BAZ1B: variants seen among roughly 807,000 people sequenced by gnomAD.
The protein encoded by BAZ1B is tyrosine-protein kinase BAZ1B.
BAZ1B carries 22 observed loss-of-function variants against 153.8 expected under a neutral mutation model. The observed-to-expected ratio is 0.14, with a 90% CI of 0.10 to 0.20. The LOEUF (loss-of-function observed/expected upper bound fraction) is 0.20, where lower values mean the gene tolerates loss of function less well. Ranked by LOEUF, BAZ1B falls within the 10% of genes least tolerant of loss-of-function variation. BAZ1B has a pLI of 1.00. For synonymous variants in BAZ1B, 676 were observed against 633.4 expected, an observed-to-expected ratio of 1.07 and a Z score of -1.01; for missense variants, 1,325 against 1,799.3, an observed-to-expected ratio of 0.74 and a Z score of 4.77.
intron 7 of BAZ1B, among the ~76,000 whole-genome samples, chr7:73,472,120 C>G (rs2116320231): frequency 6.6e-6 from 1 of 152,312 alleles, no homozygotes; most frequent in East Asian, 1.9e-4. Context: ...GTATCATCTT[C>G]TTTTCCTTCT....
intron 13 of BAZ1B, among the ~76,000 whole-genome samples, chr7:73,454,762 T>C (rs1788132818): frequency 6.6e-6 from 1 of 152,214 alleles, no homozygotes; most frequent in African/African-American, 2.4e-5. Flanking sequence ...ACAGTGAGCC[T>C]GAGTACTGCT....
chr7:73,489,864 A>G (rs1360528587), intron 5 of BAZ1B, among the ~76,000 whole-genome samples: 2 of 152,254 alleles, frequency 1.3e-5, no homozygotes, highest in Non-Finnish European at 1.5e-5. Context: ...CAATATGTCA[A>G]TATGTATCAA....
intron 3 of BAZ1B, among the ~76,000 whole-genome samples, chr7:73,507,572 A>C (rs1790394390): frequency 6.6e-6 from 1 of 152,218 alleles, no homozygotes; most frequent in Non-Finnish European, 1.5e-5. Context: ...AAAAGAAAAG[A>C]AAAATCAAAA....
At chr7:73,453,258 G>A (rs2116249522) in intron 13 of BAZ1B, among the ~76,000 whole-genome samples, 1 of 152,352 alleles carries the variant, frequency 6.6e-6, no homozygotes, top group Admixed American at 6.5e-5. Flanking sequence ...TACTTAGTAG[G>A]CAACCTAGTT....
chr7:73,478,465 T>G lies in BAZ1B; in HGVS notation c.996A>C (p.Leu332=), dbSNP rs1554573211. 6.2e-7 allele frequency: 1 copy of G among 1,611,922 alleles called. No individual in the cohort carries two copies. The highest frequency in any genetic ancestry group is 1.7e-5 in the Admixed American group (1 of 59,536). Residue 332 remains leucine (L), a synonymous_variant, in exon 7 of 20, where the codon CTA becomes CTC. Coordinates refer to ENST00000339594, the MANE Select transcript of BAZ1B (RefSeq NM_032408.4). ...GTACGTGACACCATAACTTAGGATT[T>G]AGTGGTGAACTAAGAGAAGAGTTGT... ...KTDNSSLSSP[L]NPKLWCHVHL...
At chr7:73,510,476 A>G (rs1479590369) in intron 2 of BAZ1B, among the ~76,000 whole-genome samples, 1 of 152,198 alleles carries the variant, frequency 6.6e-6, no homozygotes, top group East Asian at 1.9e-4. Flanking sequence ...GAGTACTTAC[A>G]AGGTCAAAGT....
chr7:73,468,903 G>A (rs1788692968), intron 9 of BAZ1B, among the ~76,000 whole-genome samples: 1 of 152,136 alleles, frequency 6.6e-6, no homozygotes, highest in African/African-American at 2.4e-5. Flanking sequence ...GCCGAGGTGG[G>A]CAGATCACCT....
rs1488467294 is a variant in BAZ1B at position 73,478,406 on chromosome 7, T to C, written c.1055A>G (p.Lys352Arg). 2 of 1,612,308 alleles carry C rather than the reference T, an allele frequency of 1.2e-6. No individual in the cohort carries two copies. The stretch of plus-strand genomic sequence containing the variant: ...TTTGGAATTCTTTGAGTTCTTCACT[T>C]TGAGTGGCGAGCCACTCAATGACTT... The part of the protein sequence containing the change: ...LKKSLSGSPL[K>R]VKNSKNSKSP... Residue 352 changes from lysine (K) to arginine (R), a missense_variant, in exon 7 of 20, where the codon AAA (lysine) becomes AGA (arginine). Physicochemically the swap from Lys to Arg is conservative, Grantham distance 26. This residue lies in a region of BAZ1B where 219 missense variants were observed against 248.2 expected (regional missense o/e 0.88). Coordinates refer to ENST00000339594, the MANE Select transcript of BAZ1B (RefSeq NM_032408.4).
chr7:73,519,983 G>A (rs1554579868), intron 1 of BAZ1B, among the ~76,000 whole-genome samples: 1 of 152,098 alleles, frequency 6.6e-6, no homozygotes, highest in African/African-American at 2.4e-5. Context: ...CGAGATGGGC[G>A]GATCACCTGA....
chr7:73,468,547 T>C (rs1788679582), intron 9 of BAZ1B, among the ~76,000 whole-genome samples: 1 of 152,188 alleles, frequency 6.6e-6, no homozygotes, highest in Non-Finnish European at 1.5e-5. Context: ...ACTCAATACA[T>C]ACACTTTAAG....
chr7:73,503,149 C>A (rs904969453), intron 3 of BAZ1B, among the ~76,000 whole-genome samples: 1 of 152,116 alleles, frequency 6.6e-6, no homozygotes, highest in Non-Finnish European at 1.5e-5. Flanking sequence ...TGTATAATAA[C>A]CAATTGTATT....
At chr7:73,480,986 G>C (rs1285725386) in intron 6 of BAZ1B, among the ~76,000 whole-genome samples, 1 of 152,066 alleles carries the variant, frequency 6.6e-6, no homozygotes, top group Admixed American at 6.5e-5. Flanking sequence ...GAGTGCAGTA[G>C]CGCAATCCTG....
At chr7:73,473,540 G>T (rs149480311) in intron 7 of BAZ1B, among the ~76,000 whole-genome samples, 1 of 152,030 alleles carries the variant, frequency 6.6e-6, no homozygotes, top group Non-Finnish European at 1.5e-5. Context: ...GCGACAGAGC[G>T]ACGCTCTGTA....
At chr7:73,515,057 G>C (rs1019605433) in intron 1 of BAZ1B, among the ~76,000 whole-genome samples, 1 of 152,132 alleles carries the variant, frequency 6.6e-6, no homozygotes, top group Admixed American at 6.6e-5. Context: ...GGATGACAGA[G>C]TGAGAATCTG....
chr7:73,505,893 A>C (rs1377769600), intron 3 of BAZ1B, among the ~76,000 whole-genome samples: 1 of 152,208 alleles, frequency 6.6e-6, no homozygotes, highest in Non-Finnish European at 1.5e-5. Context: ...CCAAAGTTTG[A>C]GAACTACGGA....
At chr7:73,509,201 A>G (rs1790473804) in intron 2 of BAZ1B, among the ~76,000 whole-genome samples, 1 of 148,318 alleles carries the variant, frequency 6.7e-6, no homozygotes, top group Admixed American at 6.7e-5. Context: ...ACATGCCTGT[A>G]ATCCCAGCTA....
chr7:73,501,293 G>T (rs151210978), intron 3 of BAZ1B, among the ~76,000 whole-genome samples: 245 of 152,134 alleles, frequency 1.6e-3, no homozygotes, highest in African/African-American at 5.6e-3. Context: ...AAAAACAACA[G>T]ATTTCAAACC....
chr7:73,488,254 A>G (rs2116374644), intron 6 of BAZ1B, among the ~76,000 whole-genome samples: 1 of 152,282 alleles, frequency 6.6e-6, no homozygotes, highest in African/African-American at 2.4e-5. Context: ...CCACTTTAAC[A>G]GGTAAAGCTT....
intron 6 of BAZ1B, among the ~76,000 whole-genome samples, chr7:73,486,463 A>G (rs1032593015): frequency 6.6e-6 from 1 of 152,058 alleles, no homozygotes; most frequent in African/African-American, 2.4e-5. Flanking sequence ...AGTAGCTGGG[A>G]CTACAGGTGC....
Sources: gnomAD v4.1 joint callset for allele counts (sites outside exome capture counted in the v4.1 genomes callset) on GRCh38, gnomAD v4.1.1 for gene constraint, gnomAD v4.1.1 regional missense constraint, MANE v1.5 for transcripts, NCBI Gene and HGNC (gene_info 2026-07-23, HGNC 2026-07-21) for gene names.